Variants in HDAC8 observed in about 807,000 individuals in gnomAD.
The protein encoded by HDAC8 is histone deacetylase-like 1.
Under a neutral mutation model 32.2 loss-of-function variants are expected in HDAC8, and 1 was observed. The observed-to-expected ratio is 0.03, with a 90% confidence interval of 0.01 to 0.15. The LOEUF is 0.15. Ranked by LOEUF, HDAC8 falls within the 10% of genes least tolerant of loss-of-function variation. HDAC8 has a pLI of 1.00. For missense variants in HDAC8, 117 were observed against 300.0 expected, an observed-to-expected ratio of 0.39 and a Z score of 4.51; for synonymous variants, 108 against 113.9, an observed-to-expected ratio of 0.95 and a Z score of 0.33.
At chrX:72,439,639 C>CAAAA (rs782744436) in intron 9 of HDAC8, among the ~76,000 whole-genome samples, 14 of 36,194 alleles carry the variant, frequency 3.9e-4, no homozygotes, top group African/African-American at 1.0e-3. Flanking sequence ...AAATGGAAAG[C>CAAAA]AAAAAAAAAA....
chrX:72,347,955 C>T (rs151090731), intron 10 of HDAC8, among the ~76,000 whole-genome samples: 1,181 of 111,708 alleles, frequency 0.011, 15 homozygotes, highest in African/African-American at 0.036. Flanking sequence ...GGTCTTTTTC[C>T]TCTCAGAAAG....
intron 9 of HDAC8, among the ~76,000 whole-genome samples, chrX:72,368,352 A>C (rs1602600000): frequency 1.1e-5 from 1 of 89,713 alleles, no homozygotes. Context: ...GTGTGTTTCC[A>C]CAAGGCTTTT....
chrX:72,471,493 C>G (rs1014318389), intron 7 of HDAC8, among the ~76,000 whole-genome samples: 1 of 112,246 alleles, frequency 8.9e-6, no homozygotes, highest in African/African-American at 3.2e-5. Context: ...CACATCTTCA[C>G]CAACACTTGC....
At chrX:72,553,135 C>G (rs1396616745) in intron 4 of HDAC8, among the ~76,000 whole-genome samples, 1 of 111,060 alleles carries the variant, frequency 9.0e-6, no homozygotes, top group Non-Finnish European at 1.9e-5. Context: ...GCCTCCTCCT[C>G]CCAGGTTCAA....
intron 7 of HDAC8, among the ~76,000 whole-genome samples, chrX:72,470,280 C>A (rs181383755): frequency 1.8e-5 from 2 of 111,526 alleles, no homozygotes; most frequent in African/African-American, 6.5e-5. Context: ...CCAGAGGTAA[C>A]TGCTGATTCA....
intron 4 of HDAC8, among the ~76,000 whole-genome samples, chrX:72,559,843 G>A (rs1431979052): frequency 9.1e-6 from 1 of 109,491 alleles, no homozygotes; most frequent in Non-Finnish European, 1.9e-5. Context: ...CAGCTGCCCC[G>A]TCTGGGAAGT....
intron 9 of HDAC8, among the ~76,000 whole-genome samples, chrX:72,365,936 A>G (rs782113899): frequency 8.9e-5 from 10 of 112,063 alleles, no homozygotes; most frequent in Non-Finnish European, 1.7e-4. Context: ...CATGATACCA[A>G]TGTTTCTTGA....
intron 4 of HDAC8, among the ~76,000 whole-genome samples, chrX:72,496,531 T>C (rs1466386756): frequency 1.8e-5 from 2 of 111,166 alleles, no homozygotes; most frequent in East Asian, 2.8e-4. Context: ...ATTTTGGAAG[T>C]TCTTAGATGC....
intron 9 of HDAC8, among the ~76,000 whole-genome samples, chrX:72,452,250 G>C (rs2047590159): frequency 8.9e-6 from 1 of 112,236 alleles, no homozygotes; most frequent in African/African-American, 3.2e-5. Context: ...GAGGTCAGGA[G>C]TTCGAGACCA....
At chrX:72,393,211 T>C (rs1015013714) in intron 9 of HDAC8, among the ~76,000 whole-genome samples, 8 of 111,832 alleles carry the variant, frequency 7.2e-5, no homozygotes, top group Non-Finnish European at 1.5e-4. Flanking sequence ...TGTAATCCTC[T>C]TCTGCCTCTG....
intron 9 of HDAC8, among the ~76,000 whole-genome samples, chrX:72,360,557 T>C (rs2044519434): frequency 8.9e-6 from 1 of 112,014 alleles, no homozygotes. Flanking sequence ...GGGGAAGTCA[T>C]GCCTGTGACG....
At chrX:72,385,754 T>C (rs1555961227) in intron 9 of HDAC8, among the ~76,000 whole-genome samples, 1 of 111,942 alleles carries the variant, frequency 8.9e-6, no homozygotes, top group Non-Finnish European at 1.9e-5. Context: ...ATGAAATATA[T>C]ACTGTTCTCC....
chrX:72,401,338 G>A (rs1555967309), intron 9 of HDAC8, among the ~76,000 whole-genome samples: 1 of 111,852 alleles, frequency 8.9e-6, no homozygotes, highest in African/African-American at 3.3e-5. Context: ...GGGTTCAAGT[G>A]ATTTTCCTGC....
At chrX:72,437,984 G>A (rs1283943349) in intron 9 of HDAC8, among the ~76,000 whole-genome samples, 6 of 112,153 alleles carry the variant, frequency 5.3e-5, no homozygotes, top group African/African-American at 9.7e-5. Context: ...CACAGTGCTC[G>A]AGCTCTGCTA....
chrX:72,412,899 T>C (rs1555970609), intron 9 of HDAC8, among the ~76,000 whole-genome samples: 3 of 111,599 alleles, frequency 2.7e-5, no homozygotes, highest in Admixed American at 1.9e-4. Context: ...CAAAAGAAAA[T>C]ATGTGAGTGT....
intron 4 of HDAC8, among the ~76,000 whole-genome samples, chrX:72,534,395 A>G (rs1230641758): frequency 6.6e-5 from 7 of 106,337 alleles, no homozygotes; most frequent in Non-Finnish European, 1.4e-4. Flanking sequence ...TGCAACCTCC[A>G]ACTCCTGGGT....
At chrX:72,405,036 T>C (rs1330631565) in intron 9 of HDAC8, among the ~76,000 whole-genome samples, 3 of 110,832 alleles carry the variant, frequency 2.7e-5, no homozygotes, top group African/African-American at 6.6e-5. Flanking sequence ...ACTTGTGTCA[T>C]AGGGGTTTGT....
At chrX:72,536,899 C>T (rs1408459651) in intron 4 of HDAC8, among the ~76,000 whole-genome samples, 1 of 111,927 alleles carries the variant, frequency 8.9e-6, no homozygotes, top group Non-Finnish European at 1.9e-5. Context: ...CTCATAACAG[C>T]ATAGTGAGCC....
chrX:72,357,860 T>C (rs1462096475), intron 9 of HDAC8, among the ~76,000 whole-genome samples: 1 of 111,561 alleles, frequency 9.0e-6, no homozygotes, highest in African/African-American at 3.3e-5. Context: ...CTTTTGCAGT[T>C]TGAGGCGCGA....
Sources: gnomAD v4.1 joint callset for allele counts (sites outside exome capture counted in the v4.1 genomes callset) on GRCh38, gnomAD v4.1.1 for gene constraint, MANE v1.5 for transcripts, NCBI Gene and HGNC (gene_info 2026-07-23, HGNC 2026-07-21) for gene names.